Variants in LCLAT1 observed in about 807,000 individuals in gnomAD.
The protein encoded by LCLAT1 is lysocardiolipin acyltransferase 1.
In LCLAT1, 11 loss-of-function variants were observed where a neutral mutation model predicts 30.7. The observed-to-expected ratio is 0.36, with a 90% CI of 0.23 to 0.59. The LOEUF (loss-of-function observed/expected upper bound fraction) is 0.59, where lower values mean the gene tolerates loss of function less well. Among genes scored for constraint, LCLAT1 ranks in the 20% least tolerant of loss-of-function variants. The pLI is 0.77. For synonymous variants in LCLAT1, 155 were observed against 151.3 expected (o/e 1.02, Z -0.18); for missense variants, 402 against 458.6 (o/e 0.88, Z 1.13).
At chr2:30,561,476 C>T (rs990747464) in intron 3 of LCLAT1, among the ~76,000 whole-genome samples, 7 of 152,248 alleles carry the variant, frequency 4.6e-5, no homozygotes, top group African/African-American at 1.7e-4. Context: ...GTAGTCTGGT[C>T]ATTGTGGCTG....
chr2:30,609,398 T>C (rs181945466), intron 5 of LCLAT1, among the ~76,000 whole-genome samples: 1 of 152,296 alleles, frequency 6.6e-6, no homozygotes, highest in East Asian at 1.9e-4. Flanking sequence ...CCCTTACATG[T>C]GTTGTTTGGT....
chr2:30,518,662 A>G (rs1685313833), intron 1 of LCLAT1, among the ~76,000 whole-genome samples: 1 of 152,128 alleles, frequency 6.6e-6, no homozygotes, highest in Non-Finnish European at 1.5e-5. Flanking sequence ...GTCCCTCTAT[A>G]CCCAGCTGTA....
intron 1 of LCLAT1, among the ~76,000 whole-genome samples, chr2:30,449,996 G>C (rs1252879513): frequency 2.0e-5 from 3 of 152,074 alleles, no homozygotes; most frequent in Non-Finnish European, 2.9e-5. Context: ...AAGTGGCTAG[G>C]ACATTTATTG....
intron 1 of LCLAT1, among the ~76,000 whole-genome samples, chr2:30,508,929 A>G (rs984002076): frequency 6.6e-6 from 1 of 151,946 alleles, no homozygotes; most frequent in African/African-American, 2.4e-5. Context: ...TGTTTGTGTC[A>G]TCTCTGATTT....
intron 1 of LCLAT1, among the ~76,000 whole-genome samples, chr2:30,464,641 G>A (rs375152977): frequency 6.6e-6 from 1 of 152,136 alleles, no homozygotes; most frequent in East Asian, 1.9e-4. Flanking sequence ...AACTCATACA[G>A]TGAAACAGAC....
At chr2:30,458,056 AG>A (rs901071059) in intron 1 of LCLAT1, among the ~76,000 whole-genome samples, 9 of 151,972 alleles carry the variant, frequency 5.9e-5, no homozygotes, top group African/African-American at 1.9e-4. Context: ...AAAAAAAAAA[AG>A]AGGCAACTTT....
chr2:30,455,909 CAAAAAAAAAAAAAAA>C (rs3060184), intron 1 of LCLAT1, among the ~76,000 whole-genome samples: 1 of 61,000 alleles, frequency 1.6e-5, no homozygotes, highest in Non-Finnish European at 2.9e-5. Context: ...GACCCTATAT[CAAAAAAAAAAAAAAA>C]AAAAAAAAAA....
chr2:30,620,112 G>C (rs1425089832), intron 5 of LCLAT1, among the ~76,000 whole-genome samples: 1 of 152,130 alleles, frequency 6.6e-6, no homozygotes, highest in African/African-American at 2.4e-5. Context: ...ACATCAGCAA[G>C]GAGTGGAATT....
At chr2:30,628,726 G>T (rs1313748520) in intron 5 of LCLAT1, among the ~76,000 whole-genome samples, 3 of 152,110 alleles carry the variant, frequency 2.0e-5, no homozygotes, top group Non-Finnish European at 4.4e-5. Context: ...GAGAAACGAG[G>T]AGTTGTTTTG....
At chr2:30,516,561 T>A (rs1685194503) in intron 1 of LCLAT1, among the ~76,000 whole-genome samples, 1 of 152,166 alleles carries the variant, frequency 6.6e-6, no homozygotes, top group Non-Finnish European at 1.5e-5. Context: ...CTAACAGAGC[T>A]ATAACACTCC....
At chr2:30,536,940 A>C (rs1385245895) in intron 3 of LCLAT1, among the ~76,000 whole-genome samples, 12 of 152,246 alleles carry the variant, frequency 7.9e-5, no homozygotes, top group Non-Finnish European at 1.3e-4. Context: ...TTAAAAATAC[A>C]AAGCAGGACC....
chr2:30,522,393 GC>G (rs1165643920), intron 1 of LCLAT1, among the ~76,000 whole-genome samples: 1 of 151,618 alleles, frequency 6.6e-6, no homozygotes, highest in East Asian at 1.9e-4. Flanking sequence ...TTTTTTTTTA[GC>G]TATTCCAAAT....
At chr2:30,620,913 T>G (rs963999739) in intron 5 of LCLAT1, among the ~76,000 whole-genome samples, 1 of 152,186 alleles carries the variant, frequency 6.6e-6, no homozygotes, top group Non-Finnish European at 1.5e-5. Flanking sequence ...TGGGATACTT[T>G]AGCTTGTCAC....
At chr2:30,449,537 G>C (rs113708465) in intron 1 of LCLAT1, among the ~76,000 whole-genome samples, 6 of 144,018 alleles carry the variant, frequency 4.2e-5, no homozygotes, top group Non-Finnish European at 6.0e-5. Flanking sequence ...GTTCGCTCTT[G>C]TTGCCAGGGC....
chr2:30,558,498 T>C lies in LCLAT1; in HGVS notation c.365-3648T>C, dbSNP rs1254743605. 4.7e-5 allele frequency among the ~76,000 whole-genome samples: 7 copies of C among 149,864 alleles called. No homozygotes were observed. The East Asian group carries it at 1.2e-3, about 25-fold the overall frequency. On this transcript the variant is annotated intron_variant, in intron 3 of 5. Coordinates refer to ENST00000379509, the MANE Select transcript of LCLAT1 (RefSeq NM_001002257.3). Reference sequence around the variant, plus strand: ...GCCTGTAGTCCCAACTACTCGAGGCTGAGGCTGGAGAATTGCTTGAACCCA... The same window carrying C: ...GCCTGTAGTCCCAACTACTCGAGGCCGAGGCTGGAGAATTGCTTGAACCCA...
intron 5 of LCLAT1, among the ~76,000 whole-genome samples, chr2:30,572,534 GTTTGCTTTGTGCTGC>G (rs1192516410): frequency 2.6e-5 from 4 of 152,202 alleles, no homozygotes; most frequent in Admixed American, 1.3e-4. Context: ...CTAGGTGGTA[GTTTGCTTTGTGCTGC>G]ACCTGTGGAG....
chr2:30,566,700 T>G lies in LCLAT1; in HGVS notation c.512-1360T>G, dbSNP rs1465099170. Among the ~76,000 whole-genome samples the G allele has an allele frequency of 3.3e-5, 5 of 152,228 alleles. No homozygotes were observed. The East Asian group carries it at 9.6e-4, about 29-fold the overall frequency. Reference sequence around the variant, plus strand: ...GCTGAGGATTGCGGGTTCTAACATCTGCTGTCATCAGAAAGTATTTCATGA... The same window carrying G: ...GCTGAGGATTGCGGGTTCTAACATCGGCTGTCATCAGAAAGTATTTCATGA... On this transcript the variant is annotated intron_variant, in intron 4 of 5. Coordinates refer to ENST00000379509, the MANE Select transcript of LCLAT1 (RefSeq NM_001002257.3).
At chr2:30,585,225 C>A (rs1369229011) in intron 5 of LCLAT1, among the ~76,000 whole-genome samples, 1 of 152,072 alleles carries the variant, frequency 6.6e-6, no homozygotes, top group Non-Finnish European at 1.5e-5. Flanking sequence ...TATCTCACTA[C>A]CATATAATGT....
chr2:30,638,543 G>A (rs1669144769), intron 5 of LCLAT1, among the ~76,000 whole-genome samples: 1 of 152,216 alleles, frequency 6.6e-6, no homozygotes, highest in Non-Finnish European at 1.5e-5. Context: ...GTTTCTCACT[G>A]AAGGTAACAT....
Sources: gnomAD v4.1 joint callset for allele counts (sites outside exome capture counted in the v4.1 genomes callset) on GRCh38, gnomAD v4.1.1 for gene constraint, MANE v1.5 for transcripts, NCBI Gene and HGNC (gene_info 2026-07-23, HGNC 2026-07-21) for gene names.